GMDS: variants seen among roughly 807,000 people sequenced by gnomAD.
GMDS encodes GDP-mannose 4,6 dehydratase.
A neutral mutation model predicts 49.9 loss-of-function variants in GMDS; 20 were observed. The ratio of observed to expected loss-of-function variants is 0.40; its 90% CI spans 0.28 to 0.58. The LOEUF is 0.58. Among genes scored for constraint, GMDS ranks in the 20% least tolerant of loss-of-function variants. The pLI is 0.42. For synonymous variants in GMDS, 177 were observed against 178.6 expected, an observed-to-expected ratio of 0.99 and a Z score of 0.07; for missense variants, 362 against 481.4, an observed-to-expected ratio of 0.75 and a Z score of 2.32.
chr6:1,737,520 C>G lies in GMDS; in HGVS notation c.890+4948G>C, dbSNP rs185184415. On this transcript the variant is annotated intron_variant, in intron 8 of 10. Coordinates refer to ENST00000380815, the MANE Select transcript of GMDS (RefSeq NM_001500.4). ...ACACAAACACACACACACACACACA[C>G]AGAGATACACACACATACACACCAC... Among the ~76,000 whole-genome samples, 9 of 150,460 alleles carry G rather than the reference C, an allele frequency of 6.0e-5. No homozygotes were observed. The East Asian group carries it at 1.6e-3, about 26-fold the overall frequency.
At chr6:1,834,109 C>T (rs1278259522) in intron 7 of GMDS, among the ~76,000 whole-genome samples, 2 of 152,028 alleles carry the variant, frequency 1.3e-5, no homozygotes, top group Non-Finnish European at 1.5e-5. Flanking sequence ...TGGTAGGTTA[C>T]GGATTTGCAG....
At chr6:1,832,894 C>T (rs999553494) in intron 7 of GMDS, among the ~76,000 whole-genome samples, 2 of 152,148 alleles carry the variant, frequency 1.3e-5, no homozygotes, top group Non-Finnish European at 2.9e-5. Flanking sequence ...ACACGATGAA[C>T]TTTATCAGGC....
intron 1 of GMDS, among the ~76,000 whole-genome samples, chr6:2,242,452 G>A (rs552800798): frequency 1.7e-4 from 26 of 152,290 alleles, no homozygotes; most frequent in African/African-American, 6.3e-4. Flanking sequence ...TAAGAAGCCT[G>A]ACAATACGTA....
intron 9 of GMDS, among the ~76,000 whole-genome samples, chr6:1,707,860 G>A (rs989989626): frequency 6.6e-5 from 10 of 152,158 alleles, no homozygotes; most frequent in African/African-American, 2.2e-4. Context: ...CATGTTATTG[G>A]GAAAATAGGC....
chr6:1,739,518 T>C (rs1767177440), intron 8 of GMDS, among the ~76,000 whole-genome samples: 1 of 152,268 alleles, frequency 6.6e-6, no homozygotes, highest in Non-Finnish European at 1.5e-5. Flanking sequence ...TCAGTGGGGC[T>C]GCTCATCCCA....
intron 7 of GMDS, among the ~76,000 whole-genome samples, chr6:1,792,719 C>T (rs1385199815): frequency 6.6e-6 from 1 of 152,058 alleles, no homozygotes; most frequent in Non-Finnish European, 1.5e-5. Flanking sequence ...AAGTCATTTC[C>T]AAAATTTAGA....
chr6:1,970,364 C>G (rs1764528794), intron 4 of GMDS, among the ~76,000 whole-genome samples: 1 of 152,204 alleles, frequency 6.6e-6, no homozygotes, highest in Admixed American at 6.5e-5. Context: ...GTTAGCAGCT[C>G]AGCAGAGCTG....
At chr6:2,159,682 C>A (rs1256198927) in intron 1 of GMDS, among the ~76,000 whole-genome samples, 1 of 151,678 alleles carries the variant, frequency 6.6e-6, no homozygotes, top group African/African-American at 2.4e-5. Context: ...CCACGCCCAA[C>A]TAATTTTGGT....
intron 7 of GMDS, among the ~76,000 whole-genome samples, chr6:1,760,187 G>A (rs904489263): frequency 6.6e-6 from 1 of 152,190 alleles, no homozygotes; most frequent in South Asian, 2.1e-4. Context: ...CCATTCCTGC[G>A]AGGTGCCCTG....
intron 7 of GMDS, among the ~76,000 whole-genome samples, chr6:1,812,082 C>A (rs1376636625): frequency 6.6e-6 from 1 of 152,162 alleles, no homozygotes; most frequent in Non-Finnish European, 1.5e-5. Context: ...CAGATCTGCA[C>A]TAGTGCTATA....
At chr6:1,895,093 T>A (rs527957057) in intron 7 of GMDS, among the ~76,000 whole-genome samples, 31 of 152,210 alleles carry the variant, frequency 2.0e-4, no homozygotes, top group Non-Finnish European at 4.1e-4. Flanking sequence ...AGAGTCCTTA[T>A]AAGGCATTGT....
chr6:1,706,133 T>C (rs1048822351), intron 9 of GMDS, among the ~76,000 whole-genome samples: 9 of 152,134 alleles, frequency 5.9e-5, no homozygotes, highest in African/African-American at 1.9e-4. Flanking sequence ...AGTGAACAGA[T>C]TTTCATTCAT....
chr6:2,115,291 C>T (rs1774783585), intron 4 of GMDS, among the ~76,000 whole-genome samples: 1 of 152,106 alleles, frequency 6.6e-6, no homozygotes, highest in South Asian at 2.1e-4. Context: ...AGCTTTCTTC[C>T]AATGATTTTT....
At chr6:1,696,115 T>A (rs1489207083) in intron 9 of GMDS, among the ~76,000 whole-genome samples, 2 of 151,944 alleles carry the variant, frequency 1.3e-5, no homozygotes, top group Non-Finnish European at 2.9e-5. Flanking sequence ...GAGAGGGTGA[T>A]TCTGTTCCAT....
intron 4 of GMDS, among the ~76,000 whole-genome samples, chr6:2,113,627 C>A (rs1439575622): frequency 6.6e-6 from 1 of 152,036 alleles, no homozygotes; most frequent in Non-Finnish European, 1.5e-5. Context: ...ACCTCAACAC[C>A]AGAGCCAGTG....
intron 4 of GMDS, among the ~76,000 whole-genome samples, chr6:2,098,947 G>A (rs938855715): frequency 1.3e-5 from 2 of 152,022 alleles, no homozygotes; most frequent in East Asian, 1.9e-4. Flanking sequence ...CCTTATTCAA[G>A]TAAAAAATTA....
At chr6:2,052,505 C>T (rs993575916) in intron 4 of GMDS, among the ~76,000 whole-genome samples, 10 of 152,212 alleles carry the variant, frequency 6.6e-5, no homozygotes, top group African/African-American at 2.4e-4. Context: ...GAGAATATGG[C>T]TCTTTCATGG....
intron 6 of GMDS, among the ~76,000 whole-genome samples, chr6:1,944,521 T>C (rs1376557305): frequency 1.3e-5 from 2 of 149,562 alleles, no homozygotes; most frequent in Admixed American, 6.7e-5. Context: ...TATATATATA[T>C]TAGCCAGGCG....
chr6:1,660,364 G>A (rs561574562), intron 9 of GMDS, among the ~76,000 whole-genome samples: 1 of 152,094 alleles, frequency 6.6e-6, no homozygotes, highest in South Asian at 2.1e-4. Flanking sequence ...GAAGAGTGGG[G>A]GCTTTTAGTG....
Sources: gnomAD v4.1 joint callset for allele counts (sites outside exome capture counted in the v4.1 genomes callset) on GRCh38, gnomAD v4.1.1 for gene constraint, MANE v1.5 for transcripts, NCBI Gene and HGNC (gene_info 2026-07-23, HGNC 2026-07-21) for gene names.